Variants in RNPEP observed in about 807,000 individuals in gnomAD.
The protein encoded by RNPEP is arginyl aminopeptidase.
A neutral mutation model predicts 70.1 loss-of-function variants in RNPEP; 57 were observed. The ratio of observed to expected loss-of-function variants is 0.81; its 90% CI spans 0.66 to 1.01. RNPEP has a LOEUF of 1.01. Among genes scored for constraint, RNPEP ranks in the 50% least tolerant of loss-of-function variants. The pLI, the probability that RNPEP is intolerant of heterozygous loss-of-function variation, is 0.00. For synonymous variants in RNPEP, 335 were observed against 357.4 expected (o/e 0.94, Z 0.71); for missense variants, 787 against 852.4 (o/e 0.92, Z 0.96).
At chr1:201,996,444 G>A (rs1571635961) in intron 4 of RNPEP, 181 bp downstream of exon 4, 2 of 625,020 alleles carry the variant, frequency 3.2e-6, no homozygotes, top group Non-Finnish European at 2.9e-6. Flanking sequence ...GCTGAGGAGA[G>A]GGCCTAGGAG....
chr1:201,984,786 G>GT (rs938975474), intron 1 of RNPEP, among the ~76,000 whole-genome samples: 55 of 143,808 alleles, frequency 3.8e-4, no homozygotes, highest in African/African-American at 1.1e-3. Flanking sequence ...TAAGTAAGCT[G>GT]TGTTAGCTCT....
intron 5 of RNPEP, 97 bp downstream of exon 5, chr1:201,997,651 G>A (rs974607134): frequency 1.1e-6 from 1 of 873,198 alleles, no homozygotes; most frequent in African/African-American, 1.7e-5. Flanking sequence ...ACAAGTGGGT[G>A]TGAAGAGACG....
intron 3 of RNPEP, among the ~76,000 whole-genome samples, chr1:201,991,431 G>A (rs1260350817): frequency 1.3e-5 from 2 of 152,164 alleles, no homozygotes; most frequent in Admixed American, 6.5e-5. Flanking sequence ...TATTAAATCG[G>A]AGGGTCTTCT....
chr1:201,983,453 G>C, intron 1 of RNPEP: 3 of 1,409,538 alleles, frequency 2.1e-6, no homozygotes, highest in Non-Finnish European at 2.8e-6. Context: ...CATTTTCCGT[G>C]GCTTTCTAGA....
At chr1:201,986,825 C>G (rs1177899931) in intron 1 of RNPEP, among the ~76,000 whole-genome samples, 1 of 152,114 alleles carries the variant, frequency 6.6e-6, no homozygotes, top group Non-Finnish European at 1.5e-5. Flanking sequence ...CAGGTGTGAG[C>G]CACTGCGCCC....
chr1:201,982,818 G>T lies in RNPEP; in HGVS notation c.152G>T (p.Gly51Val). The T allele has an allele frequency of 7.5e-7, 1 of 1,333,154 alleles. No homozygotes were observed. Among genetic ancestry groups the T allele is most frequent in the South Asian group, 2.2e-5 (1 of 45,104 alleles). 82.6% of individuals were successfully genotyped at this position (1,333,154 alleles called of 1,614,324 possible). ...CTGCGGGCTGAGTTCGGGCCTCCAG[G>T]GCCCGGCGCAGGGAGCCGGGGGCTG... is the stretch of plus-strand genomic sequence containing the variant. ...LDLRAEFGPP[G>V]PGAGSRGLSG... Residue 51 changes from glycine to valine, a missense_variant, in exon 1 of 11, where the codon GGG becomes GTG. By Grantham distance (109) the Gly-to-Val change is moderately radical (BLOSUM62 -3). Transcript: ENST00000295640.
At chr1:201,993,608 A>G (rs1683422521) in intron 3 of RNPEP, among the ~76,000 whole-genome samples, 1 of 137,090 alleles carries the variant, frequency 7.3e-6, no homozygotes, top group Non-Finnish European at 1.6e-5. Flanking sequence ...AAAAAAAGCC[A>G]AAACAAAAAA....
intron 9 of RNPEP, among the ~76,000 whole-genome samples, 185 bp from the exon 10 acceptor site, chr1:202,004,169 G>A (rs111951062): frequency 0.01 from 1,595 of 152,170 alleles, 30 homozygotes; most frequent in African/African-American, 0.035. Flanking sequence ...GATTACAGGC[G>A]TGCGCCACCA....
chr1:202,003,098 A>G (rs940022078), intron 8 of RNPEP, 139 bp from the exon 9 acceptor site: 27 of 634,930 alleles, frequency 4.3e-5, no homozygotes, highest in African/African-American at 3.7e-4. Context: ...GAATAGTTAC[A>G]TGGGAAAGTA....
chr1:202,001,201 A>ATCTC, intron 6 of RNPEP, 175 bp from the exon 7 acceptor site: 1 of 600,618 alleles, frequency 1.7e-6, no homozygotes, highest in Non-Finnish European at 3.0e-6. Flanking sequence ...TGGCCTTGAG[A>ATCTC]GAGTCCAAGA....
At chr1:201,999,330 G>T (rs1234444570) in intron 5 of RNPEP, among the ~76,000 whole-genome samples, 1 of 152,096 alleles carries the variant, frequency 6.6e-6, no homozygotes. Flanking sequence ...TATCACCTGA[G>T]ATCAGGAGTT....
At chr1:202,002,115 AG>A (rs1683843926) in intron 8 of RNPEP, among the ~76,000 whole-genome samples, 1 of 151,224 alleles carries the variant, frequency 6.6e-6, no homozygotes, top group African/African-American at 2.4e-5. Flanking sequence ...CAGCCTTCTG[AG>A]TGAAGGCAAC....
At chr1:201,993,164 C>A (rs1383798833) in intron 3 of RNPEP, among the ~76,000 whole-genome samples, 2 of 152,154 alleles carry the variant, frequency 1.3e-5, no homozygotes, top group African/African-American at 4.8e-5. Flanking sequence ...AACAAAGGTC[C>A]TTCCTTCTGT....
At chr1:201,996,408 G>A in intron 4 of RNPEP, 145 bp downstream of exon 4, 1 of 705,244 alleles carries the variant, frequency 1.4e-6, no homozygotes, top group Non-Finnish European at 2.6e-6. Context: ...GAAGAGAGGA[G>A]GGTATGAGCC....
chr1:201,996,073 C>G, intron 3 of RNPEP, 74 bp from the exon 4 acceptor site: 1 of 1,219,750 alleles, frequency 8.2e-7, no homozygotes, highest in Non-Finnish European at 1.2e-6. Flanking sequence ...CAATTTCCTA[C>G]AGGTGCTTTC....
rs140363391 is a variant in RNPEP, at chr1:201,983,667, G to A, written c.447+554G>A. The stretch of plus-strand genomic sequence containing the variant: ...TTTCCTCCTGTGAAGTCCTGGATTT[G>A]ATTAACGAAAGAATTTGAGTAAAAG... On this transcript the variant is annotated intron_variant, in intron 1 of 10. Coordinates refer to ENST00000295640, the MANE Select transcript of RNPEP (RefSeq NM_020216.4). The A allele has an allele frequency of 2.6e-6, 3 of 1,168,418 alleles. No homozygotes were observed. The African/African-American group carries it at 4.9e-5, about 19-fold the overall frequency. The allele number at this position is 1,168,418 out of a possible 1,614,324, so 72.4% of individuals were successfully genotyped here.
chr1:201,997,304 CCCG>C lies in RNPEP; in HGVS notation c.855-13_855-11del. 6.2e-7 allele frequency: 1 copy of C among 1,610,612 alleles called. No individual in the cohort carries two copies. Among genetic ancestry groups the C allele is most frequent in the Non-Finnish European group, 8.5e-7 (1 of 1,176,824 alleles). On this transcript the variant is annotated splice_polypyrimidine_tract_variant and intron_variant, in intron 4 of 10. Coordinates refer to ENST00000295640, the MANE Select transcript of RNPEP (RefSeq NM_020216.4). ...GAAGCCAGGGCCTCTTGGTGACCTCCCCGCTTCTCGGCAGGTATGACTTGCTCT... is the reference window on the plus strand; with the variant it reads ...GAAGCCAGGGCCTCTTGGTGACCTCCCTTCTCGGCAGGTATGACTTGCTCT...
chr1:201,988,371 T>G (rs1336570360), intron 1 of RNPEP, among the ~76,000 whole-genome samples: 2 of 148,930 alleles, frequency 1.3e-5, no homozygotes, highest in Non-Finnish European at 3.0e-5. Context: ...GGCATGAGAA[T>G]TGCTTGAACC....
chr1:201,999,258 C>T (rs866291899), intron 5 of RNPEP, among the ~76,000 whole-genome samples: 14 of 150,760 alleles, frequency 9.3e-5, no homozygotes, highest in Non-Finnish European at 1.2e-4. Flanking sequence ...AAAATAAGGC[C>T]GGGGGCTGGG....
Sources: allele counts gnomAD v4.1 joint callset (sites outside exome capture counted in the v4.1 genomes callset), GRCh38; gene constraint gnomAD v4.1.1; transcripts MANE v1.5; gene names NCBI Gene and HGNC (gene_info 2026-07-23, HGNC 2026-07-21).